The following AFF3 variants were observed in gnomAD, a reference collection of about 807,000 sequenced individuals.
AFF3 encodes ALF transcription elongation factor 3.
Under a neutral mutation model 129.7 loss-of-function variants are expected in AFF3, and 32 were observed. That is an observed-to-expected ratio of 0.25 (90% CI 0.19 to 0.33). AFF3 has a LOEUF of 0.33. Ranked by LOEUF, AFF3 falls within the 10% of genes least tolerant of loss-of-function variation. The pLI, the probability that AFF3 is intolerant of heterozygous loss-of-function variation, is 1.00. For missense variants in AFF3, 1,373 were observed against 1,592.0 expected, an observed-to-expected ratio of 0.86 and a Z score of 2.34; for synonymous variants, 644 against 635.4, an observed-to-expected ratio of 1.01 and a Z score of -0.20.
chr2:99,966,040 T>C (rs1220125602), intron 7 of AFF3, among the ~76,000 whole-genome samples: 1 of 152,190 alleles, frequency 6.6e-6, no homozygotes, highest in Non-Finnish European at 1.5e-5. Context: ...AAATCCAAGA[T>C]ATTAAAATTA....
At chr2:99,887,733 T>C (rs1693223367) in intron 7 of AFF3, among the ~76,000 whole-genome samples, 1 of 152,244 alleles carries the variant, frequency 6.6e-6, no homozygotes, top group South Asian at 2.1e-4. Context: ...TATCAACTAT[T>C]GAGTTCTTAT....
chr2:100,008,747 G>T, intron 5 of AFF3, 65 bp downstream of exon 5: 1 of 1,563,748 alleles, frequency 6.4e-7, no homozygotes, highest in South Asian at 1.2e-5. Context: ...TTTAGTCAAG[G>T]CCACCGTCAC....
At chr2:100,074,154 G>A (rs13430705) in intron 4 of AFF3, among the ~76,000 whole-genome samples, 23,528 of 152,094 alleles carry the variant, frequency 0.15, 2,030 homozygotes, top group East Asian at 0.28. Flanking sequence ...AAGGCTGCCC[G>A]CTCCACTGTC....
chr2:99,744,057 C>A, intron 10 of AFF3, 47 bp downstream of exon 10: 1 of 1,551,726 alleles, frequency 6.4e-7, no homozygotes, highest in Non-Finnish European at 8.8e-7. Context: ...CCCTCTGCCC[C>A]CACCCCCTGC....
chr2:99,889,201 G>A (rs1239059630), intron 7 of AFF3, among the ~76,000 whole-genome samples: 2 of 151,784 alleles, frequency 1.3e-5, no homozygotes, highest in South Asian at 2.1e-4. Flanking sequence ...ATTCACAGGC[G>A]AGATCATAGC....
chr2:100,025,439 G>A (rs998401237), intron 4 of AFF3, among the ~76,000 whole-genome samples: 3 of 152,190 alleles, frequency 2.0e-5, no homozygotes, highest in African/African-American at 7.2e-5. Context: ...GCTCATGGAT[G>A]GGTAGCATCA....
chr2:100,121,491 T>C (rs79204050), intron 2 of AFF3, among the ~76,000 whole-genome samples: 5,496 of 152,256 alleles, frequency 0.036, 329 homozygotes, highest in African/African-American at 0.13. Flanking sequence ...ACTAGCTCTG[T>C]ACACTGCCAG....
intron 13 of AFF3, among the ~76,000 whole-genome samples, chr2:99,634,706 T>A (rs1269710960): frequency 6.6e-6 from 1 of 152,154 alleles, no homozygotes; most frequent in Non-Finnish European, 1.5e-5. Context: ...CTTCATTATA[T>A]GTCTAAACAC....
At chr2:99,753,631 T>C (rs951237076) in intron 8 of AFF3, among the ~76,000 whole-genome samples, 7 of 152,000 alleles carry the variant, frequency 4.6e-5, no homozygotes, top group African/African-American at 1.2e-4. Flanking sequence ...CCCCAGCACC[T>C]CAGATAGTGC....
chr2:99,746,684 G>T (rs1315901087), intron 9 of AFF3, among the ~76,000 whole-genome samples: 2 of 152,162 alleles, frequency 1.3e-5, no homozygotes, highest in Non-Finnish European at 2.9e-5. Context: ...GCCTATTTTG[G>T]ATAGATGCTG....
intron 11 of AFF3, among the ~76,000 whole-genome samples, chr2:99,706,263 G>A (rs1024847270): frequency 6.6e-6 from 1 of 152,190 alleles, no homozygotes; most frequent in Non-Finnish European, 1.5e-5. Context: ...ATAAACCATA[G>A]TCAGGGGACT....
chr2:99,596,079 A>G lies in AFF3; in HGVS notation c.1372-1790T>C, dbSNP rs374159271. ...GGGGGACCCCCTGGCCCCGACACAGATTCTGGTCTTTGACGTGACATTTTT... is the reference window on the plus strand; with the variant it reads ...GGGGGACCCCCTGGCCCCGACACAGGTTCTGGTCTTTGACGTGACATTTTT... On this transcript the variant is annotated intron_variant, in intron 14 of 24. Coordinates refer to ENST00000672756, the MANE Select transcript of AFF3 (RefSeq NM_001386135.1). Among the ~76,000 whole-genome samples, 16 of 152,322 alleles carry G rather than the reference A, an allele frequency of 1.1e-4. No individual in the cohort carries two copies. In the South Asian group the frequency reaches 1.2e-3, roughly 12 times the overall value.
rs113008406 is a variant in AFF3 at position 99,548,961 on chromosome 2, G to A, written c.*2513C>T. On this transcript the variant is annotated 3_prime_UTR_variant, in exon 25 of 25. Coordinates refer to ENST00000672756, the MANE Select transcript of AFF3 (RefSeq NM_001386135.1). ...ACACGCTCTGACCACTGCCCACAAC[G>A]GTAAGTTTCAAGAAGTTTTCCTGGG... The A allele has an allele frequency of 2.6e-5, 6 of 231,250 alleles. No individual in the cohort carries two copies. Among genetic ancestry groups the A allele is most frequent in the African/African-American group, 8.8e-5 (4 of 45,360 alleles). 14.3% of individuals were successfully genotyped at this position (231,250 alleles called of 1,614,324 possible). A position where few individuals can be genotyped will look rare whatever the true frequency, so the allele number is the denominator to read the frequency against.
In AFF3 at chr2:100,033,293, C is replaced by T. The variant is rs181763212; in HGVS notation, c.54-24361G>A. Among the ~76,000 whole-genome samples the T allele has an allele frequency of 4.9e-4, 74 of 152,170 alleles. 1 individual carries two copies. Among genetic ancestry groups the T allele is most frequent in the African/African-American group, 1.7e-3 (71 of 41,522 alleles). The stretch of plus-strand genomic sequence containing the variant: ...TATTAAAAAAAATTAAATTATATGG[C>T]CCTAAAACTTTAGGTAAGAGGAAGC... On this transcript the variant is annotated intron_variant, in intron 4 of 24. Transcript: ENST00000672756.
chr2:99,582,168 G>A (rs75864006), intron 17 of AFF3, among the ~76,000 whole-genome samples: 8,259 of 152,138 alleles, frequency 0.054, 655 homozygotes, highest in African/African-American at 0.17. Context: ...GTCTTTTCAT[G>A]ATATTGTCTC....
At chr2:100,053,645 C>T (rs11691359) in intron 4 of AFF3, among the ~76,000 whole-genome samples, 19,120 of 152,106 alleles carry the variant, frequency 0.13, 1,549 homozygotes, top group South Asian at 0.2. Flanking sequence ...TTCGTCTTTC[C>T]GGCTGAATCA....
chr2:99,840,018 C>A (rs766807061), intron 7 of AFF3, among the ~76,000 whole-genome samples: 4 of 149,850 alleles, frequency 2.7e-5, no homozygotes, highest in Non-Finnish European at 4.5e-5. Context: ...ATTGGGTTGC[C>A]TTTTTATTGT....
At chr2:100,039,793 T>C (rs1468670212) in intron 4 of AFF3, among the ~76,000 whole-genome samples, 1 of 152,136 alleles carries the variant, frequency 6.6e-6, no homozygotes, top group Non-Finnish European at 1.5e-5. Context: ...TCCCCTCCTC[T>C]TGGAAACAGT....
intron 7 of AFF3, among the ~76,000 whole-genome samples, chr2:99,965,110 A>T (rs962560934): frequency 6.6e-5 from 10 of 152,238 alleles, no homozygotes; most frequent in Admixed American, 5.9e-4. Context: ...TCAACTTTAT[A>T]AACCACGCGA....
Sources: gnomAD v4.1 joint callset for allele counts (sites outside exome capture counted in the v4.1 genomes callset) on GRCh38, gnomAD v4.1.1 for gene constraint, MANE v1.5 for transcripts, NCBI Gene and HGNC (gene_info 2026-07-23, HGNC 2026-07-21) for gene names.